Variants in LIX1 observed in about 807,000 individuals in gnomAD.
LIX1 encodes limb and CNS expressed 1, also known as protein limb expression 1 homolog.
LIX1 carries 24 observed loss-of-function variants against 33.4 expected under a neutral mutation model. That is an observed-to-expected ratio of 0.72 (90% CI 0.52 to 1.01). The LOEUF is 1.01. Ranked by LOEUF, LIX1 falls within the 50% of genes least tolerant of loss-of-function variation. LIX1 has a pLI of 0.00. For synonymous variants in LIX1, 124 were observed against 124.0 expected (o/e 1.00, Z 0.00); for missense variants, 311 against 339.2 (o/e 0.92, Z 0.65).
At position 97,112,677 on chromosome 5, in the gene LIX1, C is replaced by T. The variant is rs374602449; in HGVS notation, c.247-5177G>A. Among the ~76,000 whole-genome samples the T allele has an allele frequency of 6.6e-5, 10 of 152,144 alleles. No individual in the cohort carries two copies. In the South Asian group the frequency reaches 8.3e-4, roughly 13 times the overall value. Reference sequence around the variant, plus strand: ...CAGGCATGTGGAGCCACATGCTTTCCGAGTGGCCAGCAGACCTCATTCAGA... The same window carrying T: ...CAGGCATGTGGAGCCACATGCTTTCTGAGTGGCCAGCAGACCTCATTCAGA... On this transcript the variant is annotated intron_variant, in intron 2 of 5. Coordinates refer to ENST00000274382, the MANE Select transcript of LIX1 (RefSeq NM_153234.5).
chr5:97,113,740 T>C (rs1305261434), intron 2 of LIX1, among the ~76,000 whole-genome samples: 4 of 152,240 alleles, frequency 2.6e-5, no homozygotes, highest in Non-Finnish European at 5.9e-5. Context: ...AGAGGACATA[T>C]AATTTGCCTA....
At chr5:97,140,731 C>G (rs1414684532) in intron 1 of LIX1, among the ~76,000 whole-genome samples, 1 of 152,134 alleles carries the variant, frequency 6.6e-6, no homozygotes, top group Admixed American at 6.5e-5. Flanking sequence ...AGAAATGTGC[C>G]ATTTGGCTTA....
chr5:97,108,388 C>G (rs550513320), intron 2 of LIX1, among the ~76,000 whole-genome samples: 1 of 152,192 alleles, frequency 6.6e-6, no homozygotes, highest in Non-Finnish European at 1.5e-5. Context: ...TAATATTGTG[C>G]TCCATCCTGC....
chr5:97,105,344 G>T, intron 3 of LIX1, 59 bp from the exon 4 acceptor site: 1 of 1,405,930 alleles, frequency 7.1e-7, no homozygotes, highest in Non-Finnish European at 1.0e-6. Flanking sequence ...TCTTTGAATG[G>T]TCACAAATTA....
intron 1 of LIX1, among the ~76,000 whole-genome samples, chr5:97,131,038 C>T (rs879814014): frequency 5.3e-5 from 8 of 152,212 alleles, no homozygotes; most frequent in Admixed American, 5.2e-4. Context: ...AAGCAAGTCT[C>T]TTGTAAGTGA....
intron 3 of LIX1, 75 bp downstream of exon 3, chr5:97,107,285 T>C (rs978828680): frequency 7.0e-7 from 1 of 1,425,582 alleles, no homozygotes; most frequent in Non-Finnish European, 9.5e-7. Context: ...TTTGCTCATG[T>C]TAACATCTCT....
chr5:97,128,964 T>C (rs936289889), intron 1 of LIX1, among the ~76,000 whole-genome samples: 7 of 152,178 alleles, frequency 4.6e-5, no homozygotes, highest in African/African-American at 1.7e-4. Context: ...GCCGATCAAA[T>C]CACTCACATC....
chr5:97,124,590 T>A lies in LIX1; in HGVS notation c.122A>T (p.Lys41Met), dbSNP rs1320952231. The change falls in exon 2 of 6, where the codon AAG (lysine) becomes ATG (methionine). Residue 41 changes from lysine to methionine, a missense_variant. By Grantham distance (95) the Lys-to-Met change is moderately conservative (BLOSUM62 -1). Coordinates refer to ENST00000274382, the MANE Select transcript of LIX1 (RefSeq NM_153234.5). The stretch of plus-strand genomic sequence containing the variant: ...TGGGAATGCAGCCTTCTGCTGCTGC[T>A]TGCTTTCCCAAAATTCCTGTAACAT... ...VSMLQEFWESKQQQKAAFPSE... is the reference protein window; with the variant it reads ...VSMLQEFWESMQQQKAAFPSE... 2.5e-6 allele frequency: 4 copies of A among 1,610,416 alleles called. No individual in the cohort carries two copies. The Admixed American group carries it at 6.7e-5, about 27-fold the overall frequency.
intron 3 of LIX1, among the ~76,000 whole-genome samples, chr5:97,105,900 G>A (rs1464575864): frequency 6.6e-6 from 1 of 152,190 alleles, no homozygotes; most frequent in Non-Finnish European, 1.5e-5. Context: ...CACGACTCTG[G>A]CGTGGCTTTT....
intron 1 of LIX1, among the ~76,000 whole-genome samples, chr5:97,133,542 A>T (rs1748110563): frequency 6.6e-6 from 1 of 152,252 alleles, no homozygotes; most frequent in African/African-American, 2.4e-5. Context: ...GTCATTAAAT[A>T]GTCCAGAAAT....
intron 4 of LIX1, among the ~76,000 whole-genome samples, chr5:97,099,724 C>T (rs1018342189): frequency 6.6e-6 from 1 of 152,056 alleles, no homozygotes; most frequent in Non-Finnish European, 1.5e-5. Flanking sequence ...GTAATCCCAG[C>T]TACTCGGGAG....
At chr5:97,111,317 A>G (rs958008473) in intron 2 of LIX1, among the ~76,000 whole-genome samples, 1 of 152,238 alleles carries the variant, frequency 6.6e-6, no homozygotes, top group Non-Finnish European at 1.5e-5. Context: ...AGAATGAAAG[A>G]TATATACTTT....
Position 97,134,948 on chromosome 5 carries a change from CT to C in LIX1, c.82+7546del, listed in dbSNP as rs151031627. Among the ~76,000 whole-genome samples, 770 of 152,324 alleles carry C rather than the reference CT, an allele frequency of 5.1e-3. 10 individuals carry two copies. Among genetic ancestry groups the C allele is most frequent in the African/African-American group, 0.017 (712 of 41,578 alleles). On this transcript the variant is annotated intron_variant, in intron 1 of 5. Coordinates refer to ENST00000274382, the MANE Select transcript of LIX1 (RefSeq NM_153234.5). Reference sequence around the variant, plus strand: ...TCTTGCTTTGTTCCCAGCAGAGGGACTTTCCTTTGGTAACGCTCCCAGGTCA... The same window carrying C: ...TCTTGCTTTGTTCCCAGCAGAGGGACTTCCTTTGGTAACGCTCCCAGGTCA...
chr5:97,119,451 A>G (rs1218774495), intron 2 of LIX1, among the ~76,000 whole-genome samples: 1 of 152,196 alleles, frequency 6.6e-6, no homozygotes, highest in Non-Finnish European at 1.5e-5. Context: ...TTGCTTTAGG[A>G]GAAATGTTCT....
chr5:97,124,605 T>C lies in LIX1; in HGVS notation c.107A>G (p.Glu36Gly), dbSNP rs1747868065. 6.2e-7 allele frequency: 1 copy of C among 1,610,848 alleles called. No homozygotes were observed. The highest frequency in any genetic ancestry group is 1.1e-5 in the South Asian group (1 of 90,514). Residue 36 changes from glutamate to glycine, a missense_variant, in exon 2 of 6, where the codon GAA (glutamate) becomes GGA (glycine). Coordinates refer to ENST00000274382, the MANE Select transcript of LIX1 (RefSeq NM_153234.5). ...KDLNVVSMLQ[E>G]FWESKQQQKA... ...CTGCTGCTGCTTGCTTTCCCAAAAT[T>C]CCTGTAACATTGACACAACGTTCAC...
intron 1 of LIX1, among the ~76,000 whole-genome samples, chr5:97,131,406 C>T (rs966495645): frequency 1.3e-5 from 2 of 152,208 alleles, no homozygotes; most frequent in Non-Finnish European, 2.9e-5. Flanking sequence ...ACCTCCTTTT[C>T]TGAACTCTTA....
chr5:97,114,673 T>A (rs980354497), intron 2 of LIX1, among the ~76,000 whole-genome samples: 1 of 152,162 alleles, frequency 6.6e-6, no homozygotes, highest in African/African-American at 2.4e-5. Context: ...TTGCGGGTGA[T>A]TCTGACATGT....
At chr5:97,095,534 A>G (rs1413484616) in intron 5 of LIX1, among the ~76,000 whole-genome samples, 1 of 152,208 alleles carries the variant, frequency 6.6e-6, no homozygotes, top group African/African-American at 2.4e-5. Context: ...AGAAACCAGG[A>G]GAATCAACTG....
chr5:97,103,789 T>C (rs892576345), intron 4 of LIX1, among the ~76,000 whole-genome samples: 42 of 151,558 alleles, frequency 2.8e-4, no homozygotes, highest in Middle Eastern at 3.4e-3. Flanking sequence ...CACGGTGAAA[T>C]CCCGTCTCTA....
Sources: allele counts gnomAD v4.1 joint callset (sites outside exome capture counted in the v4.1 genomes callset), GRCh38; gene constraint gnomAD v4.1.1; transcripts MANE v1.5; gene names NCBI Gene and HGNC (gene_info 2026-07-23, HGNC 2026-07-21).